Variants in FGF13 observed in about 807,000 individuals in gnomAD.
FGF13 encodes fibroblast growth factor 13.
FGF13 carries 2 observed loss-of-function variants against 19.5 expected under a neutral mutation model. The ratio of observed to expected loss-of-function variants is 0.10; its 90% CI spans 0.04 to 0.32. The LOEUF is 0.32. Ranked by LOEUF, FGF13 falls within the 10% of genes least tolerant of loss-of-function variation. FGF13 has a pLI of 1.00. For missense variants in FGF13, 113 were observed against 192.7 expected (o/e 0.59, Z 2.45); for synonymous variants, 72 against 76.9 (o/e 0.94, Z 0.33).
At chrX:138,748,660 C>T (rs2090373940) in intron 3 of FGF13, among the ~76,000 whole-genome samples, 1 of 111,606 alleles carries the variant, frequency 9.0e-6, no homozygotes, top group South Asian at 3.8e-4. Context: ...CTTTTTCAAA[C>T]AACGCCACCT....
intron 3 of FGF13, among the ~76,000 whole-genome samples, chrX:138,683,738 A>G (rs1284069759): frequency 1.8e-5 from 2 of 111,578 alleles, no homozygotes; most frequent in Non-Finnish European, 3.8e-5. Flanking sequence ...CACTATTCAC[A>G]CATTCATTTG....
intron 1 of FGF13, among the ~76,000 whole-genome samples, chrX:139,046,779 T>C (rs1002402554): frequency 9.0e-6 from 1 of 111,417 alleles, no homozygotes; most frequent in Non-Finnish European, 1.9e-5. Flanking sequence ...CTCTCCATCA[T>C]CAAAATTGAA....
At position 139,159,927 on chromosome X, in the gene FGF13, T is replaced by C. The variant is rs1227149105; in HGVS notation, c.-113+43489A>G. Among the ~76,000 whole-genome samples, 3 of 111,277 alleles carry C rather than the reference T, an allele frequency of 2.7e-5. No homozygotes were observed. In the Admixed American group the frequency reaches 2.9e-4, roughly 11 times the overall value. On this transcript the variant is annotated intron_variant, in intron 1 of 2. Coordinates refer to the FGF13 transcript ENST00000421460. ...CACCTCACTGTCAATATCAGACAGATCAATGACACAGAAAATTAACAAGGA... is the reference window on the plus strand; with the variant it reads ...CACCTCACTGTCAATATCAGACAGACCAATGACACAGAAAATTAACAAGGA...
At chrX:138,671,694 G>T (rs1025163362) in intron 3 of FGF13, among the ~76,000 whole-genome samples, 1 of 110,741 alleles carries the variant, frequency 9.0e-6, no homozygotes, top group African/African-American at 3.3e-5. Context: ...AATCCTGACC[G>T]CCAAAAAATT....
intron 2 of FGF13, among the ~76,000 whole-genome samples, chrX:138,707,661 C>T (rs769884646): frequency 3.6e-5 from 4 of 112,090 alleles, no homozygotes; most frequent in African/African-American, 6.5e-5. Flanking sequence ...AATATCACAA[C>T]AGTGACATAG....
In FGF13 at chrX:138,952,599, C is replaced by T. The variant is rs765719662; in HGVS notation, c.-112-87949G>A. 8.1e-5 allele frequency among the ~76,000 whole-genome samples: 9 copies of T among 111,246 alleles called. No homozygotes were observed. In the South Asian group the frequency reaches 1.5e-3, roughly 19 times the overall value. Reference sequence around the variant, plus strand: ...AATGGGATCTAATTAAACTAAAGAGCTTCTGCACAGCAAAAGAAACTACCA... The same window carrying T: ...AATGGGATCTAATTAAACTAAAGAGTTTCTGCACAGCAAAAGAAACTACCA... On this transcript the variant is annotated intron_variant, in intron 1 of 2. Transcript: ENST00000421460.
intron 1 of FGF13, among the ~76,000 whole-genome samples, chrX:139,028,724 C>CGT (rs1411444510): frequency 3.4e-5 from 3 of 87,348 alleles, no homozygotes; most frequent in Non-Finnish European, 2.3e-5. Flanking sequence ...AGAGAGAGAG[C>CGT]GTGTGTGTGT....
At chrX:139,114,221 G>A (rs2083623622) in intron 1 of FGF13, among the ~76,000 whole-genome samples, 1 of 111,816 alleles carries the variant, frequency 8.9e-6, no homozygotes, top group African/African-American at 3.3e-5. Flanking sequence ...GCTCCATTAT[G>A]CAAAAAAGAG....
intron 1 of FGF13, among the ~76,000 whole-genome samples, chrX:138,912,653 G>A (rs887836809): frequency 2.7e-5 from 3 of 111,531 alleles, no homozygotes; most frequent in South Asian, 3.8e-4. Context: ...CAATAGCTTG[G>A]CAAAACTACC....
chrX:138,723,917 TGAGG>T, intron 1 of FGF13, among the ~76,000 whole-genome samples: 1 of 111,535 alleles, frequency 9.0e-6, no homozygotes, highest in Middle Eastern at 4.6e-3. Context: ...AACACTCCTA[TGAGG>T]TAGGGTGTTT....
intron 1 of FGF13, among the ~76,000 whole-genome samples, chrX:138,959,990 G>A (rs1369336409): frequency 8.9e-6 from 1 of 112,060 alleles, no homozygotes; most frequent in East Asian, 2.8e-4. Flanking sequence ...GCCAGTCTGT[G>A]TCTTTTAATT....
intron 1 of FGF13, among the ~76,000 whole-genome samples, chrX:138,960,735 C>T (rs763945117): frequency 9.0e-6 from 1 of 111,689 alleles, no homozygotes; most frequent in South Asian, 3.8e-4. Flanking sequence ...CTAAACTTCT[C>T]TTCTCACTTC....
intron 3 of FGF13, among the ~76,000 whole-genome samples, chrX:138,830,731 T>TGTGTGTGTGTGTGTG (rs2091067083): frequency 1.9e-5 from 1 of 52,826 alleles, no homozygotes; most frequent in Non-Finnish European, 4.0e-5. Context: ...GTGTGTGTGT[T>TGTGTGTGTGTGTGTG]TTAAGCTATC....
rs1267349337 is a variant in FGF13, at chrX:138,621,950, T to A, written c.*10900A>T. On this transcript the variant is annotated 3_prime_UTR_variant, in exon 5 of 5. Transcript: ENST00000315930. ...AAAAGAATATTGAATCAGCAATTTT[T>A]TAAAAAAGAACTTCCCAACAAAGTA... The A allele has an allele frequency of 9.0e-6, 1 of 110,913 alleles. No homozygotes were observed. Among genetic ancestry groups the A allele is most frequent in the African/African-American group, 3.3e-5 (1 of 30,548 alleles). The allele number at this position is 110,913 out of a possible 1,213,427, so 9.1% of individuals were successfully genotyped here.
chrX:139,133,815 A>G (rs756917125), intron 1 of FGF13, among the ~76,000 whole-genome samples: 27 of 111,884 alleles, frequency 2.4e-4, no homozygotes, highest in Non-Finnish European at 2.1e-4. Flanking sequence ...TTTGACCACT[A>G]GAGTTTGTTC....
At chrX:138,764,062 C>T (rs1260038791) in intron 3 of FGF13, among the ~76,000 whole-genome samples, 1 of 111,527 alleles carries the variant, frequency 9.0e-6, no homozygotes, top group African/African-American at 3.3e-5. Context: ...CATGAGTAGC[C>T]TTTGCTGACT....
intron 1 of FGF13, among the ~76,000 whole-genome samples, chrX:139,116,569 T>G (rs1347149713): frequency 8.9e-6 from 1 of 111,739 alleles, no homozygotes; most frequent in Non-Finnish European, 1.9e-5. Context: ...CAAATATCCC[T>G]TCTCATTGCA....
chrX:138,643,513 C>T (rs2089272200), intron 3 of FGF13, among the ~76,000 whole-genome samples: 1 of 112,118 alleles, frequency 8.9e-6, no homozygotes. Flanking sequence ...CATATGTCTT[C>T]AAGACTGTGT....
At chrX:138,977,200 T>C (rs1006959364) in intron 1 of FGF13, among the ~76,000 whole-genome samples, 3 of 112,089 alleles carry the variant, frequency 2.7e-5, no homozygotes, top group African/African-American at 9.7e-5. Context: ...GCTCACTTCA[T>C]GTGGTCTGGC....
Sources: allele counts gnomAD v4.1 joint callset (sites outside exome capture counted in the v4.1 genomes callset), GRCh38; gene constraint gnomAD v4.1.1; transcripts MANE v1.5; gene names NCBI Gene and HGNC (gene_info 2026-07-23, HGNC 2026-07-21).